Variants in SORCS2 observed in about 807,000 individuals in gnomAD.
SORCS2 encodes the protein VPS10 domain-containing receptor SorCS2.
SORCS2 carries 100 observed loss-of-function variants against 141.6 expected under a neutral mutation model. The ratio of observed to expected loss-of-function variants is 0.71; its 90% confidence interval spans 0.60 to 0.83. SORCS2 has a LOEUF of 0.83. SORCS2 is among the 40% of genes least tolerant of loss of function. The probability of loss-of-function intolerance (pLI) is 0.00; values close to 1 mark genes in which losing one functional copy is unlikely to be tolerated. For synonymous variants in SORCS2, 789 were observed against 676.9 expected, an observed-to-expected ratio of 1.17 and a Z score of -2.57; for missense variants, 1,646 against 1,560.2, an observed-to-expected ratio of 1.05 and a Z score of -0.93.
Position 7,723,811 on chromosome 4 carries a change from A to G in SORCS2, c.2539A>G (p.Ile847Val). Reference sequence around the variant, plus strand: ...CCGGCACCGCTACGAGAGCCCCGGCATCTACCGCGTGTCCGTCAGGGCAGA... The same window carrying G: ...CCGGCACCGCTACGAGAGCCCCGGCGTCTACCGCGTGTCCGTCAGGGCAGA... ...PIRHRYESPG[I>V]YRVSVRAENT... Residue 847 changes from isoleucine (I) to valine (V), a missense_variant, in exon 19 of 27, where the codon ATC (isoleucine) becomes GTC (valine). Ile to Val is a conservative substitution (Grantham distance 29). Transcript: ENST00000507866. 6.2e-7 allele frequency: 1 copy of G among 1,613,696 alleles called. No individual in the cohort carries two copies. The highest frequency in any genetic ancestry group is 8.5e-7 in the Non-Finnish European group (1 of 1,179,872).
At chr4:7,609,883 C>T (rs1261874624) in intron 3 of SORCS2, among the ~76,000 whole-genome samples, 1 of 152,246 alleles carries the variant, frequency 6.6e-6, no homozygotes, top group East Asian at 1.9e-4. Context: ...ACTCCAATGC[C>T]ATCTGCCCTG....
At chr4:7,362,692 T>A (rs1187367366) in intron 1 of SORCS2, among the ~76,000 whole-genome samples, 2 of 151,912 alleles carry the variant, frequency 1.3e-5, no homozygotes, top group Non-Finnish European at 2.9e-5. Context: ...GCCATCACCA[T>A]CTCCACCATC....
rs552199045 is a variant in SORCS2 at position 7,286,961 on chromosome 4, G to A, written c.480+93835G>A. Among the ~76,000 whole-genome samples, 14 of 152,310 alleles carry A rather than the reference G, an allele frequency of 9.2e-5. No homozygotes were observed. The highest frequency in any genetic ancestry group is 2.2e-4 in the African/African-American group (9 of 41,554). Reference sequence around the variant, plus strand: ...AGAGAGGGACCAGGGCCACTGGTACGAACGCTTCTTGCATCAGGTGGCTGC... The same window carrying A: ...AGAGAGGGACCAGGGCCACTGGTACAAACGCTTCTTGCATCAGGTGGCTGC... On this transcript the variant is annotated intron_variant, in intron 1 of 26. Transcript: ENST00000507866. This position sits in a 1 kb window ranked among gnomAD's most constrained non-coding sequence, Gnocchi z 4.1.
chr4:7,542,904 AGGGATGAAAGC>A, intron 3 of SORCS2, among the ~76,000 whole-genome samples: 1 of 152,234 alleles, frequency 6.6e-6, no homozygotes, highest in East Asian at 1.9e-4. Flanking sequence ...CCCTCTTAGG[AGGGATGAAAGC>A]AGGAGATGCC....
intron 6 of SORCS2, 92 bp downstream of exon 6, chr4:7,661,656 A>G (rs1722180913): frequency 4.1e-6 from 5 of 1,206,614 alleles, no homozygotes; most frequent in South Asian, 2.7e-5. Flanking sequence ...GCTTGTCCGC[A>G]ATGGCTGGCC....
At chr4:7,495,291 G>A (rs1471662449) in intron 2 of SORCS2, among the ~76,000 whole-genome samples, 1 of 152,212 alleles carries the variant, frequency 6.6e-6, no homozygotes, top group Admixed American at 6.5e-5. Flanking sequence ...CTGGCTAAAG[G>A]AGGCTACGGC....
intron 14 of SORCS2, among the ~76,000 whole-genome samples, chr4:7,706,458 G>A (rs1198254983): frequency 1.0e-5 from 1 of 95,682 alleles, no homozygotes; most frequent in Non-Finnish European, 2.2e-5. Flanking sequence ...GGCTGGGCAG[G>A]GATGAGGCTG....
intron 2 of SORCS2, among the ~76,000 whole-genome samples, chr4:7,400,460 C>T (rs1724500685): frequency 7.3e-6 from 1 of 136,602 alleles, no homozygotes; most frequent in Non-Finnish European, 1.6e-5. Flanking sequence ...TTATGGTTTG[C>T]CCCACCACCA....
intron 1 of SORCS2, among the ~76,000 whole-genome samples, chr4:7,359,900 C>T (rs558417419): frequency 7.2e-5 from 11 of 152,120 alleles, no homozygotes; most frequent in Non-Finnish European, 1.5e-4. Context: ...AGGAGGGCAG[C>T]CTGGGGCAAG....
At chr4:7,259,881 AC>A (rs1443947637) in intron 1 of SORCS2, among the ~76,000 whole-genome samples, 1 of 152,222 alleles carries the variant, frequency 6.6e-6, no homozygotes, top group Non-Finnish European at 1.5e-5. Context: ...CGTGGAGCTG[AC>A]GCCAAAGCCT....
intron 15 of SORCS2, among the ~76,000 whole-genome samples, chr4:7,713,956 G>A (rs1212688163): frequency 1.3e-5 from 2 of 152,202 alleles, no homozygotes; most frequent in Non-Finnish European, 2.9e-5. Flanking sequence ...CTGAGGGGAC[G>A]AGGGGAACCT....
intron 3 of SORCS2, among the ~76,000 whole-genome samples, chr4:7,540,922 G>A (rs557368853): frequency 1.3e-5 from 2 of 152,220 alleles, no homozygotes; most frequent in Admixed American, 6.5e-5. Flanking sequence ...CAAGGGAACC[G>A]GCCAGCGCCC....
intron 18 of SORCS2, among the ~76,000 whole-genome samples, chr4:7,722,428 G>A (rs905381838): frequency 2.6e-5 from 4 of 152,104 alleles, no homozygotes; most frequent in South Asian, 4.1e-4. Flanking sequence ...CCTTCCTAGG[G>A]ACCCCATAAC....
At chr4:7,675,687 T>G (rs1228154235) in intron 8 of SORCS2, among the ~76,000 whole-genome samples, 24 of 152,154 alleles carry the variant, frequency 1.6e-4, no homozygotes, top group Non-Finnish European at 3.5e-4. Flanking sequence ...CCCCCTGGAA[T>G]CAACCATCTG....
intron 26 of SORCS2, among the ~76,000 whole-genome samples, chr4:7,737,983 G>A (rs571059324): frequency 5.9e-5 from 9 of 152,320 alleles, no homozygotes; most frequent in South Asian, 2.1e-4. Context: ...CCAGCATGGC[G>A]GCTGACTTCC....
Position 7,586,087 on chromosome 4 carries a change from C to G in SORCS2, c.649-52241C>G, listed in dbSNP as rs368367923. ...TGCCTCACTCTAAAGGCATTGCTCT[C>G]TCTTTGGCAGCCACTCTGTTCCAAT... is the stretch of plus-strand genomic sequence containing the variant. On this transcript the variant is annotated intron_variant, in intron 3 of 26. Coordinates refer to ENST00000507866, the MANE Select transcript of SORCS2 (RefSeq NM_020777.3). Among the ~76,000 whole-genome samples, 99 of 152,328 alleles carry G rather than the reference C, an allele frequency of 6.5e-4. 2 individuals carry two copies. The South Asian group carries it at 0.019, about 29-fold the overall frequency.
intron 1 of SORCS2, among the ~76,000 whole-genome samples, chr4:7,260,708 C>T (rs991875929): frequency 3.3e-5 from 5 of 152,200 alleles, no homozygotes; most frequent in Admixed American, 6.5e-5. Context: ...TCAGTGGCAA[C>T]TCAGGGTGGT....
rs146165454 is a variant in SORCS2 at position 7,477,029 on chromosome 4, C to T, written c.549-54501C>T. On this transcript the variant is annotated intron_variant, in intron 2 of 26. Transcript: ENST00000507866. The stretch of plus-strand genomic sequence containing the variant: ...ACCCCCAGGGCCCCAGCTGCAGACA[C>T]GGCCAGGTTCTGACTCCTCCCACTC... 4.1e-3 allele frequency among the ~76,000 whole-genome samples: 631 copies of T among 152,334 alleles called. 6 individuals are homozygous for T. The highest frequency in any genetic ancestry group is 0.014 in the African/African-American group (589 of 41,572).
At chr4:7,431,987 A>C (rs1422294773) in intron 2 of SORCS2, 1 of 152,228 alleles carries the variant, frequency 6.6e-6, no homozygotes, top group African/African-American at 2.4e-5. Context: ...CAGATGTGTG[A>C]GCACCTGCTG....
Sources: gnomAD v4.1 joint callset for allele counts (sites outside exome capture counted in the v4.1 genomes callset) on GRCh38, gnomAD v4.1.1 for gene constraint, Gnocchi (gnomAD v3.1) non-coding constraint, MANE v1.5 for transcripts, NCBI Gene and HGNC (gene_info 2026-07-23, HGNC 2026-07-21) for gene names.